VWA3A: variants seen among roughly 807,000 people sequenced by gnomAD.
VWA3A encodes von Willebrand factor A domain-containing protein 3A.
VWA3A carries 134 observed loss-of-function variants against 160.4 expected under a neutral mutation model. That is an observed-to-expected ratio of 0.84 (90% CI 0.73 to 0.96). The LOEUF is 0.96. VWA3A is among the 40% of genes least tolerant of loss of function. VWA3A has a pLI of 0.00. For synonymous variants in VWA3A, 476 were observed against 543.4 expected, an observed-to-expected ratio of 0.88 and a Z score of 1.72; for missense variants, 1,310 against 1,447.9, an observed-to-expected ratio of 0.90 and a Z score of 1.55.
chr16:22,118,681 A>G (rs1009841565), intron 11 of VWA3A, among the ~76,000 whole-genome samples: 68 of 152,308 alleles, frequency 4.5e-4, no homozygotes, highest in African/African-American at 1.6e-3. Flanking sequence ...GCGAGACTCC[A>G]TCAAAACAAA....
At chr16:22,113,067 G>A (rs2045573971) in intron 8 of VWA3A, among the ~76,000 whole-genome samples, 1 of 152,188 alleles carries the variant, frequency 6.6e-6, no homozygotes, top group Non-Finnish European at 1.5e-5. Context: ...GGGTTGTTAT[G>A]GATGGCAGCC....
At chr16:22,130,261 G>A in intron 17 of VWA3A, among the ~76,000 whole-genome samples, 1 of 152,316 alleles carries the variant, frequency 6.6e-6, no homozygotes, top group Admixed American at 6.5e-5. Context: ...TGTGTTTCCA[G>A]GGAGCTTGTC....
At chr16:22,096,392 C>T (rs1044087312) in intron 1 of VWA3A, among the ~76,000 whole-genome samples, 7 of 152,086 alleles carry the variant, frequency 4.6e-5, no homozygotes, top group African/African-American at 1.7e-4. Flanking sequence ...GCCAGGAGTT[C>T]GAGGCTGCCA....
At chr16:22,123,260 C>A in intron 15 of VWA3A, 95 bp downstream of exon 15, 1 of 1,256,262 alleles carries the variant, frequency 8.0e-7, no homozygotes, top group Non-Finnish European at 1.1e-6. Context: ...GCCATTGACT[C>A]AACTCCCTCT....
At chr16:22,150,894 C>A in intron 30 of VWA3A, 48 bp downstream of exon 30, 1 of 1,567,770 alleles carries the variant, frequency 6.4e-7, no homozygotes, top group Admixed American at 1.8e-5. Context: ...TCCACAGCCA[C>A]ACATCTCAGC....
intron 9 of VWA3A, among the ~76,000 whole-genome samples, chr16:22,115,876 A>G (rs1598059879): frequency 5.2e-5 from 1 of 19,160 alleles, no homozygotes; most frequent in East Asian, 8.8e-3. Context: ...GAAGGAAGGA[A>G]GGAAGGAAGG....
intron 17 of VWA3A, among the ~76,000 whole-genome samples, chr16:22,127,169 C>G (rs543330909): frequency 1.3e-5 from 2 of 151,722 alleles, no homozygotes; most frequent in South Asian, 4.1e-4. Flanking sequence ...CTCTGTTGCC[C>G]TGACTGGAGT....
At chr16:22,131,384 T>A in intron 18 of VWA3A, 105 bp downstream of exon 18, 1 of 1,467,532 alleles carries the variant, frequency 6.8e-7, no homozygotes, top group South Asian at 1.2e-5. Context: ...CTAGAGTCCC[T>A]GACCCCAAAC....
At chr16:22,115,305 A>T in intron 8 of VWA3A, 42 bp from the exon 9 acceptor site, 4 of 1,533,320 alleles carry the variant, frequency 2.6e-6, no homozygotes, top group Non-Finnish European at 3.5e-6. Flanking sequence ...AATTCAATAC[A>T]AACAGTCTTA....
At chr16:22,114,235 T>G (rs1466892494) in intron 8 of VWA3A, among the ~76,000 whole-genome samples, 1 of 152,236 alleles carries the variant, frequency 6.6e-6, no homozygotes, top group East Asian at 1.9e-4. Context: ...TTTGATTTTT[T>G]GAAGTAGAAA....
Position 22,115,463 on chromosome 16 carries a change from T to C in VWA3A, c.806T>C (p.Met269Thr). The change falls in exon 9 of 34, where the codon ATG becomes ACG. Residue 269 changes from methionine to threonine, a missense_variant. By Grantham distance (81) the Met-to-Thr change is moderately conservative. Transcript: ENST00000389398. ...GGACTGGATTCCCTGGTGGCCATCA[T>C]GAGAAGCTGGTAGGTCTTCTTTCCT... is the stretch of plus-strand genomic sequence containing the variant. ...LKGLDSLVAI[M>T]RSCPDQPSEI... 6.2e-7 allele frequency: 1 copy of C among 1,606,598 alleles called. No individual in the cohort carries two copies. The highest frequency in any genetic ancestry group is 1.1e-5 in the South Asian group (1 of 89,128).
intron 3 of VWA3A, among the ~76,000 whole-genome samples, chr16:22,099,451 T>G (rs9922656): frequency 0.013 from 2,034 of 152,322 alleles, 45 homozygotes; most frequent in African/African-American, 0.046. Context: ...GACCTTGGAC[T>G]GATTACCTAA....
rs938531775 is a variant in VWA3A at position 22,156,529 on chromosome 16, G to T, written c.*512G>T. On this transcript the variant is annotated 3_prime_UTR_variant, in exon 34 of 34. Coordinates refer to ENST00000389398, the MANE Select transcript of VWA3A (RefSeq NM_173615.5). ...GCTGATCTAACTCTTCTCCTTGATG[G>T]TGAGCTCCTTCGGGATGAGACTGGT... The T allele has an allele frequency of 6.6e-6, 1 of 152,420 alleles. No individual in the cohort carries two copies. Among genetic ancestry groups the T allele is most frequent in the Admixed American group, 6.5e-5 (1 of 15,274 alleles). 9.4% of individuals were successfully genotyped at this position (152,420 alleles called of 1,614,324 possible).
chr16:22,120,447 A>G (rs1377882340), intron 12 of VWA3A, among the ~76,000 whole-genome samples: 1 of 152,252 alleles, frequency 6.6e-6, no homozygotes, highest in Non-Finnish European at 1.5e-5. Context: ...AATGTTACAT[A>G]TTGATTCTTA....
Position 22,152,094 on chromosome 16 carries a change from C to T in VWA3A, c.3282-417C>T, listed in dbSNP as rs140212241. On this transcript the variant is annotated intron_variant, in intron 30 of 33. Coordinates refer to ENST00000389398, the MANE Select transcript of VWA3A (RefSeq NM_173615.5). Reference sequence around the variant, plus strand: ...GGCGTGGTGGCAGGTGCCTGTAGTCCCAGCTACTCAGGAGGCTGAGGCAGG... The same window carrying T: ...GGCGTGGTGGCAGGTGCCTGTAGTCTCAGCTACTCAGGAGGCTGAGGCAGG... 9.8e-3 allele frequency among the ~76,000 whole-genome samples: 1,486 copies of T among 152,242 alleles called. 29 individuals are homozygous for T. Among genetic ancestry groups the T allele is most frequent in the African/African-American group, 0.034 (1,426 of 41,526 alleles).
chr16:22,155,650 G>C lies in VWA3A; in HGVS notation c.3489G>C (p.Gln1163His). The C allele has an allele frequency of 6.2e-7, 1 of 1,613,914 alleles. No homozygotes were observed. Among genetic ancestry groups the C allele is most frequent in the Non-Finnish European group, 8.5e-7 (1 of 1,179,852 alleles). The stretch of plus-strand genomic sequence containing the variant: ...CCAAGGCCAGAAGCTTCCTCTGGCA[G>C]GCCCAATCCTTCAGGTATGCCCTTC... ...EITKARSFLW[Q>H]AQSFRSQLQK... is the part of the protein sequence containing the mutation. Residue 1163 changes from glutamine (Q) to histidine (H), a missense_variant, in exon 32 of 34, where the codon CAG (glutamine) becomes CAC (histidine). Physicochemically the swap from Gln to His is conservative, Grantham distance 24. Coordinates refer to ENST00000389398, the MANE Select transcript of VWA3A (RefSeq NM_173615.5).
chr16:22,152,269 G>A (rs1483334230), intron 30 of VWA3A, among the ~76,000 whole-genome samples: 2 of 152,092 alleles, frequency 1.3e-5, no homozygotes, highest in Non-Finnish European at 2.9e-5. Context: ...GGGGGTCCAG[G>A]CTAAATGGTG....
chr16:22,128,880 G>GAGA (rs2045897789), intron 17 of VWA3A, among the ~76,000 whole-genome samples: 2 of 152,140 alleles, frequency 1.3e-5, no homozygotes, highest in South Asian at 4.1e-4. Context: ...GCTAAATGAT[G>GAGA]AGAACACATG....
Position 22,156,118 on chromosome 16 carries a change from A to C in VWA3A, c.*101A>C. The C allele has an allele frequency of 3.3e-6, 2 of 603,972 alleles. No homozygotes were observed. The highest frequency in any genetic ancestry group is 5.8e-6 in the Non-Finnish European group (2 of 345,394). The allele number at this position is 603,972 out of a possible 1,614,324, so 37.4% of individuals were successfully genotyped here. On this transcript the variant is annotated 3_prime_UTR_variant, in exon 34 of 34. Transcript: ENST00000389398. ...TGAAATGCTGTGACCTGCAGGAAAC[A>C]TGATTCCTGGTACCAGGACTCTCTG...
Sources: allele counts gnomAD v4.1 joint callset (sites outside exome capture counted in the v4.1 genomes callset), GRCh38; gene constraint gnomAD v4.1.1; transcripts MANE v1.5; gene names NCBI Gene and HGNC (gene_info 2026-07-23, HGNC 2026-07-21).